CAPZB: variants seen among roughly 807,000 people sequenced by gnomAD.
CAPZB encodes capping actin protein of muscle Z-line subunit beta.
A neutral mutation model predicts 38.1 loss-of-function variants in CAPZB; 2 were observed. The ratio of observed to expected loss-of-function variants is 0.05; its 90% CI spans 0.02 to 0.17. The LOEUF is 0.17. Ranked by LOEUF, CAPZB falls within the 10% of genes least tolerant of loss-of-function variation. The pLI, the probability that CAPZB is intolerant of heterozygous loss-of-function variation, is 1.00. For synonymous variants in CAPZB, 107 were observed against 127.4 expected (o/e 0.84, Z 1.08); for missense variants, 161 against 334.2 (o/e 0.48, Z 4.04).
chr1:19,447,366 CG>C lies in CAPZB; in HGVS notation c.4-27617del, dbSNP rs1380634246. 3.6e-5 allele frequency among the ~76,000 whole-genome samples: 5 copies of C among 138,824 alleles called. No individual in the cohort carries two copies. The Admixed American group carries it at 3.9e-4, about 11-fold the overall frequency. The allele number at this position is 138,824 out of a possible 152,430, so 91.1% of individuals were successfully genotyped here. A position where few individuals can be genotyped will look rare whatever the true frequency, so the allele number is the denominator to read the frequency against. ...TCCTGAGCAGCTGGGATTACAGGCA[CG>C]CTCCACCACATCCAGCTAATTTTTT... is the stretch of plus-strand genomic sequence containing the variant. On this transcript the variant is annotated intron_variant, in intron 1 of 8. Transcript: ENST00000264202.
At chr1:19,354,110 C>A (rs1367824907) in intron 6 of CAPZB, among the ~76,000 whole-genome samples, 1 of 152,240 alleles carries the variant, frequency 6.6e-6, no homozygotes, top group Non-Finnish European at 1.5e-5. Flanking sequence ...AATCTGGGTT[C>A]ACATCCCAGC....
chr1:19,357,660 GC>G lies in CAPZB; in HGVS notation c.330-98del. Reference sequence around the variant, plus strand: ...CTCAGCAAAGATTCTGGGATTCAGGGCCCTCCCTGCGACAGTTATGGGAGCC... The same window carrying G: ...CTCAGCAAAGATTCTGGGATTCAGGGCCTCCCTGCGACAGTTATGGGAGCC... On this transcript the variant is annotated intron_variant, in intron 4 of 8. Coordinates refer to ENST00000264202, the MANE Select transcript of CAPZB (RefSeq NM_004930.5). This position sits in a 1 kb window ranked among gnomAD's most constrained non-coding sequence, Gnocchi z 4.3. The G allele has an allele frequency of 8.2e-7, 1 of 1,221,952 alleles. No homozygotes were observed. The highest frequency in any genetic ancestry group is 2.4e-5 in the East Asian group (1 of 42,222). 75.7% of individuals were successfully genotyped at this position (1,221,952 alleles called of 1,614,324 possible). A position where few individuals can be genotyped will look rare whatever the true frequency, so the allele number is the denominator to read the frequency against.
intron 1 of CAPZB, among the ~76,000 whole-genome samples, chr1:19,427,278 T>C (rs1302166589): frequency 6.6e-6 from 1 of 152,238 alleles, no homozygotes; most frequent in East Asian, 1.9e-4. Context: ...TAACAGCATC[T>C]GTCTGTACAT....
chr1:19,341,329 C>A (rs1457183567), intron 8 of CAPZB, among the ~76,000 whole-genome samples: 1 of 152,108 alleles, frequency 6.6e-6, no homozygotes, highest in Non-Finnish European at 1.5e-5. Context: ...ACATGGCCAG[C>A]GGGAGATGCG....
At chr1:19,404,686 C>G (rs1378435583) in intron 2 of CAPZB, among the ~76,000 whole-genome samples, 2 of 152,134 alleles carry the variant, frequency 1.3e-5, no homozygotes, top group Non-Finnish European at 2.9e-5. Flanking sequence ...ACCCACCTAT[C>G]TGGCCAAACA....
intron 1 of CAPZB, among the ~76,000 whole-genome samples, chr1:19,446,962 A>G (rs140317018): frequency 1.3e-5 from 2 of 152,274 alleles, no homozygotes; most frequent in East Asian, 3.9e-4. Context: ...TTTACCCTCT[A>G]TGGTTTGTAC....
At chr1:19,346,807 C>T (rs1010839301) in intron 6 of CAPZB, among the ~76,000 whole-genome samples, 5 of 148,838 alleles carry the variant, frequency 3.4e-5, no homozygotes, top group African/African-American at 7.4e-5. Flanking sequence ...AGCACTGACC[C>T]GACTTTTGTC....
At position 19,383,062 on chromosome 1, in the gene CAPZB, T is replaced by C. The variant is rs1185521543; in HGVS notation, c.215+2443A>G. Among the ~76,000 whole-genome samples, 8 of 149,946 alleles carry C rather than the reference T, an allele frequency of 5.3e-5. 1 individual carries two copies. In the South Asian group the frequency reaches 1.7e-3, roughly 32 times the overall value. On this transcript the variant is annotated intron_variant, in intron 3 of 8. Transcript: ENST00000264202. ...GGGAAGCTGAAGTGGGAGGACTGCT[T>C]GAACCTAGGAGTTCGAGGCCAGCCT... is the stretch of plus-strand genomic sequence containing the variant.
At chr1:19,396,086 G>A (rs561606709) in intron 2 of CAPZB, among the ~76,000 whole-genome samples, 85 of 152,326 alleles carry the variant, frequency 5.6e-4, no homozygotes, top group African/African-American at 1.9e-3. Flanking sequence ...TCCCAAAGCC[G>A]CGACGGCAGA....
rs575652152 is a variant in CAPZB at position 19,430,527 on chromosome 1, C to A, written c.4-10777G>T. 2.0e-5 allele frequency among the ~76,000 whole-genome samples: 3 copies of A among 152,370 alleles called. No homozygotes were observed. In the East Asian group the frequency reaches 5.8e-4, roughly 29 times the overall value. ...AAATTCTCCAAAAGGAGTTAGCCATCCAGAGTGCCAGAGGAGGGTGGCTGT... is the reference window on the plus strand; with the variant it reads ...AAATTCTCCAAAAGGAGTTAGCCATACAGAGTGCCAGAGGAGGGTGGCTGT... On this transcript the variant is annotated intron_variant, in intron 1 of 8. Transcript: ENST00000264202.
At chr1:19,466,418 A>G (rs1056804373) in intron 1 of CAPZB, among the ~76,000 whole-genome samples, 18 of 152,208 alleles carry the variant, frequency 1.2e-4, no homozygotes, top group African/African-American at 4.3e-4. Context: ...AACGTTTTTC[A>G]ATCTTTTGAG....
chr1:19,369,775 C>T (rs763880100), intron 4 of CAPZB, among the ~76,000 whole-genome samples: 12 of 152,228 alleles, frequency 7.9e-5, no homozygotes, highest in Non-Finnish European at 1.8e-4. Context: ...ATGTCCCCAA[C>T]CAAACCGTCC....
intron 1 of CAPZB, among the ~76,000 whole-genome samples, chr1:19,482,082 G>C (rs753735201): frequency 6.6e-6 from 1 of 152,298 alleles, no homozygotes; most frequent in South Asian, 2.1e-4. Context: ...TCTAACGGGC[G>C]AGGCACCTGC....
chr1:19,440,781 C>A (rs563657050), intron 1 of CAPZB, among the ~76,000 whole-genome samples: 2 of 152,206 alleles, frequency 1.3e-5, no homozygotes, highest in Non-Finnish European at 2.9e-5. Context: ...AGCTGCTAGG[C>A]CGGGCGCGGT....
chr1:19,454,064 C>T (rs2094525442), intron 1 of CAPZB, among the ~76,000 whole-genome samples: 1 of 152,188 alleles, frequency 6.6e-6, no homozygotes, highest in South Asian at 2.1e-4. Context: ...CCCAGAGTGG[C>T]CAGGGCTCCT....
chr1:19,469,741 T>TACACATAC (rs1553294635), intron 1 of CAPZB, among the ~76,000 whole-genome samples: 127 of 136,720 alleles, frequency 9.3e-4, no homozygotes, highest in Non-Finnish European at 9.3e-4. Flanking sequence ...AGGAAAAGAA[T>TACACATAC]ACACACACAC....
chr1:19,461,373 T>C (rs1478081020), intron 1 of CAPZB, among the ~76,000 whole-genome samples: 1 of 152,234 alleles, frequency 6.6e-6, no homozygotes, highest in African/African-American at 2.4e-5. Flanking sequence ...TCTGCCTCCT[T>C]CTCTCTCCCC....
In CAPZB at chr1:19,465,016, T is replaced by C. The variant is rs541343875; in HGVS notation, c.3+20420A>G. 6.2e-4 allele frequency among the ~76,000 whole-genome samples: 94 copies of C among 152,276 alleles called. No homozygotes were observed. In the South Asian group the frequency reaches 0.011, roughly 18 times the overall value. ...AAAACTCAAACTGTACACTTAAAGC[T>C]GGTTAATTTTATTACTTGCAAATAA... On this transcript the variant is annotated intron_variant, in intron 1 of 8. Transcript: ENST00000264202.
Position 19,419,720 on chromosome 1 carries a change from G to T in CAPZB, c.34C>A (p.Leu12Ile). The T allele has an allele frequency of 6.3e-7, 1 of 1,593,036 alleles. No individual in the cohort carries two copies. The highest frequency in any genetic ancestry group is 8.6e-7 in the Non-Finnish European group (1 of 1,168,140). ...SDQQLDCALD[L>I]MRRLPPQQIE... ...TGCTGGGGAGGCAGGCGCCTCATTAGGTCCAAGGCACAGTCCAGCTGCTGA... is the reference window on the plus strand; with the variant it reads ...TGCTGGGGAGGCAGGCGCCTCATTATGTCCAAGGCACAGTCCAGCTGCTGA... The change falls in exon 2 of 9, where the codon CTA becomes ATA. Residue 12 changes from leucine (L) to isoleucine (I), a missense_variant. Coordinates refer to ENST00000264202, the MANE Select transcript of CAPZB (RefSeq NM_004930.5).
Sources: gnomAD v4.1 joint callset for allele counts (sites outside exome capture counted in the v4.1 genomes callset) on GRCh38, gnomAD v4.1.1 for gene constraint, Gnocchi (gnomAD v3.1) non-coding constraint, MANE v1.5 for transcripts, NCBI Gene and HGNC (gene_info 2026-07-23, HGNC 2026-07-21) for gene names.